SMYD3: variants seen among roughly 807,000 people sequenced by gnomAD.
SMYD3 encodes SET and MYND domain containing 3, also known as histone-lysine N-methyltransferase SMYD3.
A neutral mutation model predicts 57.7 loss-of-function variants in SMYD3; 36 were observed. That is an observed-to-expected ratio of 0.62 (90% confidence interval 0.48 to 0.82). SMYD3 has a LOEUF of 0.82. Among genes scored for constraint, SMYD3 ranks in the 40% least tolerant of loss-of-function variants. SMYD3 has a pLI of 0.00. For synonymous variants in SMYD3, 211 were observed against 195.0 expected, an observed-to-expected ratio of 1.08 and a Z score of -0.68; for missense variants, 515 against 538.8, an observed-to-expected ratio of 0.96 and a Z score of 0.44.
At chr1:246,352,201 C>T (rs1291896384) in intron 2 of SMYD3, among the ~76,000 whole-genome samples, 1 of 150,244 alleles carries the variant, frequency 6.7e-6, no homozygotes, top group South Asian at 2.1e-4. Flanking sequence ...AGCACTGACA[C>T]CATCCTGTGG....
chr1:246,393,216 C>A (rs1035904756), intron 1 of SMYD3, among the ~76,000 whole-genome samples: 3 of 152,054 alleles, frequency 2.0e-5, no homozygotes, highest in African/African-American at 7.2e-5. Context: ...CAGAACTATA[C>A]AATTTAAATG....
At chr1:246,028,062 T>C (rs760047513) in intron 5 of SMYD3, among the ~76,000 whole-genome samples, 2 of 152,152 alleles carry the variant, frequency 1.3e-5, no homozygotes, top group Non-Finnish European at 2.9e-5. Context: ...GCATTACAAC[T>C]GATACCACAG....
chr1:245,799,248 CAG>C (rs903258604), intron 10 of SMYD3, among the ~76,000 whole-genome samples: 4 of 152,162 alleles, frequency 2.6e-5, no homozygotes, highest in African/African-American at 7.2e-5. Flanking sequence ...AGCAACATCA[CAG>C]AGAGAGAGGG....
At chr1:246,066,812 T>G (rs531511878) in intron 5 of SMYD3, among the ~76,000 whole-genome samples, 1 of 152,338 alleles carries the variant, frequency 6.6e-6, no homozygotes, top group South Asian at 2.1e-4. Flanking sequence ...CATAGCTTCC[T>G]GGGTCAGGGA....
intron 10 of SMYD3, among the ~76,000 whole-genome samples, chr1:245,806,916 C>CAAAAAAAAAAAAAAAAA (rs112012738): frequency 7.3e-5 from 3 of 41,318 alleles, no homozygotes; most frequent in African/African-American, 1.8e-4. Flanking sequence ...GACTCCGTCT[C>CAAAAAAAAAAAAAAAAA]AAAAAAAAAA....
chr1:246,253,608 T>C (rs1434056472), intron 5 of SMYD3, among the ~76,000 whole-genome samples: 3 of 152,200 alleles, frequency 2.0e-5, no homozygotes, highest in Non-Finnish European at 4.4e-5. Context: ...AATGTCTTTC[T>C]ACTTGTTTGC....
chr1:246,346,394 G>A (rs1473914351), intron 2 of SMYD3, among the ~76,000 whole-genome samples: 4 of 152,108 alleles, frequency 2.6e-5, no homozygotes, highest in African/African-American at 9.7e-5. Context: ...ATCACGTCTA[G>A]CTATCAAGAA....
intron 5 of SMYD3, among the ~76,000 whole-genome samples, chr1:246,321,429 G>A (rs1160521706): frequency 1.3e-5 from 2 of 152,158 alleles, no homozygotes. Flanking sequence ...TTGAGATGGA[G>A]AGAATTTTAT....
chr1:246,479,480 T>C lies in SMYD3; in HGVS notation c.164+27574A>G, dbSNP rs146982506. 9.9e-4 allele frequency among the ~76,000 whole-genome samples: 150 copies of C among 151,624 alleles called. 2 individuals carry two copies. The highest frequency in any genetic ancestry group is 3.4e-3 in the African/African-American group (142 of 41,344). ...AGGTGTTAAAATGCACGTGATGTGT[T>C]TGGCATGTGTCAAAAAGCGGGATTT... On this transcript the variant is annotated intron_variant, in intron 1 of 11. Coordinates refer to ENST00000490107, the MANE Select transcript of SMYD3 (RefSeq NM_001167740.2).
At chr1:246,319,193 C>T (rs1304343162) in intron 5 of SMYD3, among the ~76,000 whole-genome samples, 1 of 152,216 alleles carries the variant, frequency 6.6e-6, no homozygotes, top group Non-Finnish European at 1.5e-5. Flanking sequence ...CCAGGATCTG[C>T]ATGCAGTTAA....
chr1:246,193,411 G>A (rs2148333875), intron 5 of SMYD3, among the ~76,000 whole-genome samples: 1 of 152,336 alleles, frequency 6.6e-6, no homozygotes, highest in South Asian at 2.1e-4. Flanking sequence ...ACTGATGAAT[G>A]TATTCTTCAG....
chr1:246,117,002 TTATAAA>T (rs2148009220), intron 5 of SMYD3, among the ~76,000 whole-genome samples: 2 of 152,324 alleles, frequency 1.3e-5, no homozygotes, highest in Admixed American at 1.3e-4. Flanking sequence ...AGTGGATAAA[TTATAAA>T]TATTAGAATG....
At chr1:246,419,328 TG>T (rs2067107623) in intron 1 of SMYD3, among the ~76,000 whole-genome samples, 1 of 152,226 alleles carries the variant, frequency 6.6e-6, no homozygotes, top group Non-Finnish European at 1.5e-5. Context: ...AAAGCCTGTT[TG>T]GTGGTCTCTT....
chr1:245,778,085 T>C (rs2046678256), intron 10 of SMYD3, among the ~76,000 whole-genome samples: 1 of 152,086 alleles, frequency 6.6e-6, no homozygotes, highest in Admixed American at 6.5e-5. Context: ...AAGGTGAATA[T>C]AGTAAAGATG....
chr1:245,874,168 G>A (rs181986445), intron 8 of SMYD3, among the ~76,000 whole-genome samples: 2 of 152,142 alleles, frequency 1.3e-5, no homozygotes, highest in African/African-American at 2.4e-5. Context: ...ATAGCACAGA[G>A]AGTCTACAGG....
chr1:246,008,045 C>T (rs1379327601), intron 5 of SMYD3, among the ~76,000 whole-genome samples: 4 of 152,100 alleles, frequency 2.6e-5, no homozygotes, highest in African/African-American at 9.7e-5. Flanking sequence ...CAAAGTGATG[C>T]CAAAGAAAGA....
intron 1 of SMYD3, among the ~76,000 whole-genome samples, chr1:246,469,004 C>G (rs1006350145): frequency 6.6e-6 from 1 of 152,170 alleles, no homozygotes; most frequent in African/African-American, 2.4e-5. Flanking sequence ...GTAGCCTTTT[C>G]ACGCTAAACC....
intron 7 of SMYD3, among the ~76,000 whole-genome samples, chr1:245,924,664 T>G (rs1039256021): frequency 6.7e-5 from 10 of 149,682 alleles, no homozygotes; most frequent in South Asian, 2.2e-4. Flanking sequence ...GCTTTTTTTT[T>G]TTTTTTTTTT....
At chr1:245,934,724 G>A (rs1295578596) in intron 5 of SMYD3, among the ~76,000 whole-genome samples, 2 of 152,076 alleles carry the variant, frequency 1.3e-5, no homozygotes, top group African/African-American at 2.4e-5. Flanking sequence ...GAAGGTTTAC[G>A]AGAGTACAGG....
Sources: gnomAD v4.1 joint callset for allele counts (sites outside exome capture counted in the v4.1 genomes callset) on GRCh38, gnomAD v4.1.1 for gene constraint, MANE v1.5 for transcripts, NCBI Gene and HGNC (gene_info 2026-07-23, HGNC 2026-07-21) for gene names.